The following GRIK1 variants were observed in gnomAD, a reference collection of about 807,000 sequenced individuals.
GRIK1 encodes the protein glutamate ionotropic receptor kainate type subunit 1.
Under a neutral mutation model 105.7 loss-of-function variants are expected in GRIK1, and 69 were observed. The observed-to-expected ratio is 0.65, with a 90% CI of 0.54 to 0.80. The LOEUF (loss-of-function observed/expected upper bound fraction) is 0.80. GRIK1 is among the 30% of genes least tolerant of loss of function. The pLI is 0.00. For missense variants in GRIK1, 1,109 were observed against 1,167.3 expected (o/e 0.95, Z 0.73); for synonymous variants, 438 against 431.3 (o/e 1.02, Z -0.19).
intron 1 of GRIK1, among the ~76,000 whole-genome samples, chr21:29,709,315 C>G (rs867693014): frequency 3.0e-4 from 41 of 136,810 alleles, no homozygotes; most frequent in African/African-American, 1.1e-3. Context: ...GAGTCTAGCT[C>G]TGTTGCCCAG....
rs541939053 is a variant in GRIK1, at chr21:29,898,900, A to C, written c.118+40483T>G. Among the ~76,000 whole-genome samples the C allele has an allele frequency of 1.6e-3, 238 of 152,058 alleles. 1 individual carries two copies. The highest frequency in any genetic ancestry group is 1.7e-3 in the Non-Finnish European group (114 of 68,014). On this transcript the variant is annotated intron_variant, in intron 1 of 17. Transcript: ENST00000327783. The stretch of plus-strand genomic sequence containing the variant: ...GGCAGGAGAATCGCTTGAACCTGGG[A>C]GGTGGAGGTTGCAGTGAGCCGAGAT...
intron 1 of GRIK1, among the ~76,000 whole-genome samples, chr21:29,824,187 C>G (rs2067382624): frequency 6.6e-6 from 1 of 151,802 alleles, no homozygotes. Flanking sequence ...TAAATATATC[C>G]TCCATACACG....
intron 1 of GRIK1, chr21:29,749,128 C>T (rs933730845): frequency 1.3e-5 from 2 of 152,152 alleles, no homozygotes; most frequent in African/African-American, 4.8e-5. Context: ...ATTAATAATT[C>T]CTAAACATAT....
intron 1 of GRIK1, among the ~76,000 whole-genome samples, chr21:29,821,339 C>G (rs1233838882): frequency 6.6e-6 from 1 of 152,020 alleles, no homozygotes; most frequent in East Asian, 1.9e-4. Context: ...AGTTGCAGGC[C>G]TCAGTCTATG....
At chr21:29,913,672 A>AATATATATAT (rs60924907) in intron 1 of GRIK1, among the ~76,000 whole-genome samples, 81 of 144,586 alleles carry the variant, frequency 5.6e-4, no homozygotes, top group African/African-American at 1.9e-3. Context: ...AGAAACACTA[A>AATATATATAT]ATATATATAT....
intron 15 of GRIK1, 32 bp downstream of exon 15, chr21:29,561,592 T>A: frequency 7.2e-7 from 1 of 1,385,962 alleles, no homozygotes; most frequent in Non-Finnish European, 1.0e-6. Flanking sequence ...ACATTCTGTA[T>A]CTCAGTCTTG....
At chr21:29,836,119 C>T (rs2067798848) in intron 1 of GRIK1, among the ~76,000 whole-genome samples, 3 of 152,124 alleles carry the variant, frequency 2.0e-5, no homozygotes, top group Admixed American at 2.0e-4. Context: ...GTGCACTGTC[C>T]TTTGTAAAGT....
chr21:29,654,023 G>T (rs544994612), intron 5 of GRIK1, among the ~76,000 whole-genome samples: 2 of 152,252 alleles, frequency 1.3e-5, no homozygotes, highest in Admixed American at 6.5e-5. Context: ...AAATGGCACT[G>T]TTACTGACCC....
intron 1 of GRIK1, among the ~76,000 whole-genome samples, chr21:29,787,075 A>G (rs1303706743): frequency 6.6e-6 from 1 of 152,180 alleles, no homozygotes; most frequent in Non-Finnish European, 1.5e-5. Flanking sequence ...TCAAATACAT[A>G]TTTACGATGT....
intron 7 of GRIK1, among the ~76,000 whole-genome samples, chr21:29,619,537 C>A (rs2146417284): frequency 6.6e-6 from 1 of 152,218 alleles, no homozygotes; most frequent in Admixed American, 6.5e-5. Flanking sequence ...TCCGTGTATA[C>A]TATTTGAGTG....
chr21:29,698,736 G>A (rs1345636040), intron 1 of GRIK1, among the ~76,000 whole-genome samples: 3 of 152,132 alleles, frequency 2.0e-5, no homozygotes, highest in Non-Finnish European at 4.4e-5. Flanking sequence ...CGGTCAAGGT[G>A]CATGCTTAAT....
At chr21:29,896,026 TA>T (rs1331762953) in intron 1 of GRIK1, among the ~76,000 whole-genome samples, 1 of 152,206 alleles carries the variant, frequency 6.6e-6, no homozygotes, top group Non-Finnish European at 1.5e-5. Context: ...TCCCCACAAC[TA>T]CCTGCATGGC....
At chr21:29,890,628 G>T (rs2069860181) in intron 1 of GRIK1, among the ~76,000 whole-genome samples, 1 of 152,108 alleles carries the variant, frequency 6.6e-6, no homozygotes, top group Admixed American at 6.6e-5. Context: ...ACAATGAAAT[G>T]TTTCTGAAAT....
At chr21:29,764,666 CT>C (rs2065613254) in intron 1 of GRIK1, among the ~76,000 whole-genome samples, 1 of 152,150 alleles carries the variant, frequency 6.6e-6, no homozygotes, top group Non-Finnish European at 1.5e-5. Context: ...ATGGCTATAT[CT>C]TCATAAACAA....
At chr21:29,729,535 G>A (rs2064558636) in intron 1 of GRIK1, among the ~76,000 whole-genome samples, 1 of 152,148 alleles carries the variant, frequency 6.6e-6, no homozygotes, top group African/African-American at 2.4e-5. Context: ...TGAACAACAG[G>A]CAAAATCCTT....
intron 1 of GRIK1, among the ~76,000 whole-genome samples, chr21:29,784,548 T>C (rs533272482): frequency 6.6e-6 from 1 of 152,186 alleles, no homozygotes; most frequent in Non-Finnish European, 1.5e-5. Flanking sequence ...ACAACTTCTT[T>C]TTCTTCTTTG....
intron 1 of GRIK1, among the ~76,000 whole-genome samples, chr21:29,743,620 G>C (rs572158492): frequency 2.6e-5 from 4 of 152,068 alleles, no homozygotes; most frequent in Non-Finnish European, 4.4e-5. Context: ...ACTTGAACCC[G>C]GGAGGCAAAT....
intron 7 of GRIK1, among the ~76,000 whole-genome samples, chr21:29,622,334 T>C (rs925357423): frequency 1.3e-5 from 2 of 152,216 alleles, no homozygotes; most frequent in African/African-American, 2.4e-5. Context: ...AAAGCTGAAT[T>C]GCTATTCTGG....
intron 1 of GRIK1, among the ~76,000 whole-genome samples, chr21:29,905,527 C>A (rs1460600286): frequency 6.6e-6 from 1 of 151,130 alleles, no homozygotes; most frequent in African/African-American, 2.4e-5. Context: ...CTCTCTGCAA[C>A]CTCCGTCTCC....
Sources: gnomAD v4.1 joint callset for allele counts (sites outside exome capture counted in the v4.1 genomes callset) on GRCh38, gnomAD v4.1.1 for gene constraint, MANE v1.5 for transcripts, NCBI Gene and HGNC (gene_info 2026-07-23, HGNC 2026-07-21) for gene names.